The following TAFA1 variants were observed in gnomAD, a reference collection of about 807,000 sequenced individuals.
The protein encoded by TAFA1 is TAFA chemokine like family member 1.
A neutral mutation model predicts 18.5 loss-of-function variants in TAFA1; 4 were observed. The ratio of observed to expected loss-of-function variants is 0.22; its 90% CI spans 0.11 to 0.49. The LOEUF (loss-of-function observed/expected upper bound fraction) is 0.49, where lower values mean the gene tolerates loss of function less well. Ranked by LOEUF, TAFA1 falls within the 20% of genes least tolerant of loss-of-function variation. TAFA1 has a pLI of 0.98. For missense variants in TAFA1, 147 were observed against 169.0 expected, an observed-to-expected ratio of 0.87 and a Z score of 0.72; for synonymous variants, 56 against 55.2, an observed-to-expected ratio of 1.01 and a Z score of -0.06.
At chr3:68,078,934 C>G (rs1472316972) in intron 2 of TAFA1, among the ~76,000 whole-genome samples, 4 of 152,184 alleles carry the variant, frequency 2.6e-5, no homozygotes, top group African/African-American at 9.7e-5. Context: ...GTGAATCCAT[C>G]TGGTCCTGTA....
chr3:68,469,977 A>G (rs1386718407), intron 3 of TAFA1, among the ~76,000 whole-genome samples: 1 of 152,146 alleles, frequency 6.6e-6, no homozygotes, highest in East Asian at 1.9e-4. Flanking sequence ...TGTGGTGGTG[A>G]TACAGTTTGG....
intron 2 of TAFA1, among the ~76,000 whole-genome samples, chr3:68,091,804 G>T (rs1372774825): frequency 3.3e-5 from 5 of 152,040 alleles, no homozygotes; most frequent in African/African-American, 1.2e-4. Flanking sequence ...CTGAGATGCT[G>T]GGATCGAGAC....
chr3:68,012,320 G>A (rs1041285133), intron 2 of TAFA1, among the ~76,000 whole-genome samples: 11 of 152,096 alleles, frequency 7.2e-5, no homozygotes, highest in Non-Finnish European at 1.3e-4. Flanking sequence ...GGTTTTAATG[G>A]CAAAAAATTG....
At chr3:68,174,186 A>T (rs2066095142) in intron 2 of TAFA1, among the ~76,000 whole-genome samples, 1 of 152,198 alleles carries the variant, frequency 6.6e-6, no homozygotes, top group Non-Finnish European at 1.5e-5. Context: ...TTTGCATGGA[A>T]CTGAAAAATG....
chr3:68,419,584 A>T (rs939004914), intron 3 of TAFA1, among the ~76,000 whole-genome samples: 9 of 152,180 alleles, frequency 5.9e-5, no homozygotes, highest in Non-Finnish European at 1.2e-4. Flanking sequence ...TTGATTTTCA[A>T]ATCCTTTATT....
chr3:68,158,169 G>A (rs947514192), intron 2 of TAFA1, among the ~76,000 whole-genome samples: 2 of 152,090 alleles, frequency 1.3e-5, no homozygotes, highest in Non-Finnish European at 2.9e-5. Context: ...AGAGGAAATG[G>A]CCTTCAGATT....
chr3:68,095,444 G>A (rs551450997), intron 2 of TAFA1, among the ~76,000 whole-genome samples: 36 of 152,080 alleles, frequency 2.4e-4, no homozygotes, highest in Non-Finnish European at 4.6e-4. Context: ...CTGGAATATT[G>A]GGTTTTAATG....
chr3:68,195,272 T>A (rs1013239914), intron 2 of TAFA1, among the ~76,000 whole-genome samples: 1 of 150,122 alleles, frequency 6.7e-6, no homozygotes, highest in African/African-American at 2.5e-5. Context: ...AAGGGATAAG[T>A]CTGTGCCCCA....
At chr3:68,240,548 C>A (rs1265266112) in intron 2 of TAFA1, among the ~76,000 whole-genome samples, 1 of 152,114 alleles carries the variant, frequency 6.6e-6, no homozygotes, top group East Asian at 1.9e-4. Flanking sequence ...CCATGCTCAC[C>A]CTTGCATCGG....
At chr3:68,350,069 T>C (rs985904914) in intron 2 of TAFA1, among the ~76,000 whole-genome samples, 1 of 152,130 alleles carries the variant, frequency 6.6e-6, no homozygotes, top group Non-Finnish European at 1.5e-5. Context: ...GAACCGTGCA[T>C]ATGTATAGTT....
chr3:68,102,631 T>A (rs1276765651), intron 2 of TAFA1, among the ~76,000 whole-genome samples: 1 of 152,160 alleles, frequency 6.6e-6, no homozygotes, highest in Non-Finnish European at 1.5e-5. Context: ...TTATTATAAG[T>A]TTATTGGTAC....
chr3:68,360,953 G>T (rs1224306462), intron 2 of TAFA1, among the ~76,000 whole-genome samples: 1 of 151,904 alleles, frequency 6.6e-6, no homozygotes, highest in Non-Finnish European at 1.5e-5. Flanking sequence ...TATGATTTCG[G>T]TCTTCTGTTT....
intron 2 of TAFA1, among the ~76,000 whole-genome samples, chr3:68,202,429 T>A (rs889084725): frequency 6.6e-6 from 1 of 151,762 alleles, no homozygotes; most frequent in East Asian, 1.9e-4. Context: ...TGTTCTTTGT[T>A]CCTATTTTTG....
chr3:68,054,371 T>C (rs1469555468), intron 2 of TAFA1, among the ~76,000 whole-genome samples: 1 of 152,158 alleles, frequency 6.6e-6, no homozygotes, highest in Non-Finnish European at 1.5e-5. Context: ...TCTCTCTCCA[T>C]GTGATCTGTT....
At chr3:68,018,373 TA>T in intron 2 of TAFA1, among the ~76,000 whole-genome samples, 1 of 152,336 alleles carries the variant, frequency 6.6e-6, no homozygotes, top group Middle Eastern at 3.4e-3. Flanking sequence ...AGATGTGTCA[TA>T]ACTGTTGATT....
intron 2 of TAFA1, among the ~76,000 whole-genome samples, chr3:68,248,766 A>AG (rs1371804472): frequency 1.4e-5 from 2 of 147,092 alleles, no homozygotes; most frequent in East Asian, 4.1e-4. Flanking sequence ...TGGGGTAGGG[A>AG]GGGTAGATGA....
chr3:68,489,477 C>T (rs554251868), intron 3 of TAFA1, among the ~76,000 whole-genome samples: 2 of 152,150 alleles, frequency 1.3e-5, no homozygotes, highest in Non-Finnish European at 2.9e-5. Context: ...ACTCTATTTG[C>T]AAGTTGATTT....
rs1353493315 is a variant in TAFA1 at position 68,479,241 on chromosome 3, A to AAAAAT, written c.260-59514_260-59513insAAATA. ...TGAGACTCCATCTCAAAAAAAAAAA[A>AAAAAT]ATATATATATATATATATATATGTC... On this transcript the variant is annotated intron_variant, in intron 3 of 4. Transcript: ENST00000478136. Among the ~76,000 whole-genome samples, 950 of 123,572 alleles carry AAAAAT rather than the reference A, an allele frequency of 7.7e-3. 12 individuals are homozygous for AAAAAT. Among genetic ancestry groups the AAAAAT allele is most frequent in the East Asian group, 0.068 (274 of 4,018 alleles). The allele number at this position is 123,572 out of a possible 152,430, so 81.1% of individuals were successfully genotyped here.
intron 3 of TAFA1, among the ~76,000 whole-genome samples, chr3:68,437,351 G>A (rs1246212842): frequency 6.6e-6 from 1 of 152,142 alleles, no homozygotes; most frequent in Non-Finnish European, 1.5e-5. Flanking sequence ...AGTTGTATTA[G>A]TCCATTTTCT....
Sources: gnomAD v4.1 joint callset for allele counts (sites outside exome capture counted in the v4.1 genomes callset) on GRCh38, gnomAD v4.1.1 for gene constraint, MANE v1.5 for transcripts, NCBI Gene and HGNC (gene_info 2026-07-23, HGNC 2026-07-21) for gene names.